The following GTF2IRD1 variants were observed in gnomAD, a reference collection of about 807,000 sequenced individuals.
The protein encoded by GTF2IRD1 is GTF2I repeat domain containing 1.
Under a neutral mutation model 113.2 loss-of-function variants are expected in GTF2IRD1, and 26 were observed. The ratio of observed to expected loss-of-function variants is 0.23; its 90% confidence interval spans 0.17 to 0.32. The LOEUF (loss-of-function observed/expected upper bound fraction) is 0.32. GTF2IRD1 is among the 10% of genes least tolerant of loss of function. The pLI is 1.00. For missense variants in GTF2IRD1, 864 were observed against 1,280.8 expected, an observed-to-expected ratio of 0.67 and a Z score of 4.97; for synonymous variants, 484 against 529.1, an observed-to-expected ratio of 0.91 and a Z score of 1.17.
chr7:74,483,761 C>T (rs1394304308), intron 1 of GTF2IRD1, among the ~76,000 whole-genome samples: 3 of 151,416 alleles, frequency 2.0e-5, no homozygotes, highest in South Asian at 2.1e-4. Flanking sequence ...AGGCTGAGGC[C>T]GGCAGATGGC....
intron 25 of GTF2IRD1, among the ~76,000 whole-genome samples, chr7:74,598,788 A>G (rs1802572121): frequency 6.6e-6 from 1 of 152,120 alleles, no homozygotes; most frequent in African/African-American, 2.4e-5. Context: ...GACCAGTCTG[A>G]GACAGAGGGT....
intron 1 of GTF2IRD1, among the ~76,000 whole-genome samples, chr7:74,456,057 T>C (rs541015424): frequency 8.7e-4 from 132 of 152,322 alleles, no homozygotes; most frequent in Non-Finnish European, 1.7e-3. Flanking sequence ...ATAATTTTTA[T>C]CTGTTCATTG....
chr7:74,536,010 C>T (rs1798270739), intron 10 of GTF2IRD1, among the ~76,000 whole-genome samples, 157 bp from the exon 11 acceptor site: 1 of 152,210 alleles, frequency 6.6e-6, no homozygotes, highest in Non-Finnish European at 1.5e-5. Context: ...GGACCCGTTC[C>T]TGGCTGTTGG....
intron 22 of GTF2IRD1, among the ~76,000 whole-genome samples, chr7:74,564,809 C>T (rs587675498): frequency 3.7e-4 from 57 of 152,238 alleles, no homozygotes; most frequent in South Asian, 2.5e-3. Context: ...GAGGACATCA[C>T]GTTTGCCTTC....
chr7:74,588,296 C>T (rs1354107674), intron 22 of GTF2IRD1, among the ~76,000 whole-genome samples: 1 of 151,168 alleles, frequency 6.6e-6, no homozygotes, highest in Non-Finnish European at 1.5e-5. Flanking sequence ...TTAGTAGAGA[C>T]GGGGTTTCGC....
At chr7:74,492,973 G>C (rs1795454512) in intron 1 of GTF2IRD1, among the ~76,000 whole-genome samples, 2 of 152,062 alleles carry the variant, frequency 1.3e-5, no homozygotes, top group Admixed American at 1.3e-4. Flanking sequence ...GGGTCTTGCT[G>C]TGTTGCTCAG....
At chr7:74,556,822 C>T (rs1799630852) in intron 19 of GTF2IRD1, among the ~76,000 whole-genome samples, 1 of 137,572 alleles carries the variant, frequency 7.3e-6, no homozygotes, top group Admixed American at 7.5e-5. Flanking sequence ...TAGGGTTTCA[C>T]CACATTGGCC....
At chr7:74,583,725 G>A (rs1801562845) in intron 22 of GTF2IRD1, among the ~76,000 whole-genome samples, 1 of 152,094 alleles carries the variant, frequency 6.6e-6, no homozygotes, top group Non-Finnish European at 1.5e-5. Context: ...GCTGCAGCCT[G>A]GTTTAGGGTT....
At chr7:74,563,619 T>C (rs1486134004) in intron 22 of GTF2IRD1, among the ~76,000 whole-genome samples, 1 of 146,646 alleles carries the variant, frequency 6.8e-6, no homozygotes, top group Non-Finnish European at 1.5e-5. Context: ...GGAACAGTGG[T>C]TCACCCCTGT....
At chr7:74,521,074 C>G in intron 6 of GTF2IRD1, 134 bp from the exon 7 acceptor site, 1 of 595,342 alleles carries the variant, frequency 1.7e-6, no homozygotes, top group Non-Finnish European at 3.0e-6. Flanking sequence ...AGTTTGTGAT[C>G]ACAGGAATCA....
intron 1 of GTF2IRD1, among the ~76,000 whole-genome samples, chr7:74,484,402 C>T (rs539731107): frequency 6.6e-6 from 1 of 152,146 alleles, no homozygotes; most frequent in African/African-American, 2.4e-5. Context: ...CTGTCTCAGC[C>T]TCCCAAAGTA....
At chr7:74,599,146 G>A (rs1441463722) in intron 25 of GTF2IRD1, among the ~76,000 whole-genome samples, 4 of 152,060 alleles carry the variant, frequency 2.6e-5, no homozygotes, top group Admixed American at 6.6e-5. Flanking sequence ...AATTAGCCAG[G>A]CAGGGTGGTG....
At chr7:74,547,335 C>T (rs1205746354) in intron 17 of GTF2IRD1, 49 bp downstream of exon 17, 1 of 1,446,772 alleles carries the variant, frequency 6.9e-7, no homozygotes, top group South Asian at 1.2e-5. Flanking sequence ...CTGCTCAGCA[C>T]CAAGGGGCAG....
At chr7:74,476,570 G>C (rs1794425295) in intron 1 of GTF2IRD1, among the ~76,000 whole-genome samples, 1 of 151,808 alleles carries the variant, frequency 6.6e-6, no homozygotes, top group African/African-American at 2.4e-5. Flanking sequence ...CACTGTGTTG[G>C]CCAGGCTGAT....
At chr7:74,540,845 G>C (rs1554351514) in intron 14 of GTF2IRD1, among the ~76,000 whole-genome samples, 3 of 151,912 alleles carry the variant, frequency 2.0e-5, no homozygotes, top group Non-Finnish European at 1.5e-5. Flanking sequence ...CGCGATCTCA[G>C]CTCACTGCAA....
intron 17 of GTF2IRD1, among the ~76,000 whole-genome samples, chr7:74,553,028 G>A (rs1799401519): frequency 6.6e-6 from 1 of 152,090 alleles, no homozygotes; most frequent in Non-Finnish European, 1.5e-5. Flanking sequence ...AGTAGAGACG[G>A]TGTTTCACCA....
chr7:74,534,228 C>T (rs587707023), intron 9 of GTF2IRD1, among the ~76,000 whole-genome samples: 144 of 152,254 alleles, frequency 9.5e-4, no homozygotes, highest in African/African-American at 3.2e-3. Flanking sequence ...CCAGAAGAGG[C>T]CCCCAGGGAG....
intron 1 of GTF2IRD1, among the ~76,000 whole-genome samples, chr7:74,467,485 C>CTATT (rs557894167): frequency 1.5e-3 from 232 of 152,100 alleles, no homozygotes; most frequent in African/African-American, 4.0e-3. Flanking sequence ...ATCCTCTGGG[C>CTATT]TATTTATTTA....
chr7:74,554,903 AGT>A (rs1799505184), intron 17 of GTF2IRD1, among the ~76,000 whole-genome samples: 1 of 152,280 alleles, frequency 6.6e-6, no homozygotes, highest in East Asian at 1.9e-4. Flanking sequence ...AATCCCAGGC[AGT>A]GACAATCGTG....
Sources: gnomAD v4.1 joint callset for allele counts (sites outside exome capture counted in the v4.1 genomes callset) on GRCh38, gnomAD v4.1.1 for gene constraint, MANE v1.5 for transcripts, NCBI Gene and HGNC (gene_info 2026-07-23, HGNC 2026-07-21) for gene names.